Variants in GCSAML observed in about 807,000 individuals in gnomAD.
The protein encoded by GCSAML is germinal center-associated signaling and motility-like protein.
Under a neutral mutation model 13.0 loss-of-function variants are expected in GCSAML, and 9 were observed. The observed-to-expected ratio is 0.69, with a 90% confidence interval of 0.42 to 1.21. The LOEUF is 1.21. GCSAML is among the 50% of genes most tolerant of loss of function. The pLI is 0.00. For synonymous variants in GCSAML, 37 were observed against 52.9 expected, an observed-to-expected ratio of 0.70 and a Z score of 1.31; for missense variants, 143 against 153.4, an observed-to-expected ratio of 0.93 and a Z score of 0.36.
upstream of GCSAML, among the ~76,000 whole-genome samples, chr1:247,544,915 C>T (rs1667518423): frequency 6.6e-6 from 1 of 152,088 alleles, no homozygotes; most frequent in South Asian, 2.1e-4. Flanking sequence ...ATAATAACAA[C>T]AAATAACCAA....
At chr1:247,509,590 G>C (rs1665951081) in intron 1 of GCSAML, among the ~76,000 whole-genome samples, 2 of 152,166 alleles carry the variant, frequency 1.3e-5, no homozygotes, top group Admixed American at 6.5e-5. Context: ...GGTTTTCAAA[G>C]AAAATGCTTC....
In GCSAML at chr1:247,539,046, C is replaced by A. The variant is rs536763123; in HGVS notation, c.-147-9999C>A. On this transcript the variant is annotated intron_variant, in intron 2 of 5. Coordinates refer to the GCSAML transcript ENST00000366489. The stretch of plus-strand genomic sequence containing the variant: ...GGTTCCAAACCCATGGCACCGTATG[C>A]CAATCACTGAAATGATGAGTTTTGT... Among the ~76,000 whole-genome samples the A allele has an allele frequency of 7.9e-5, 12 of 152,198 alleles. No homozygotes were observed. The South Asian group carries it at 1.5e-3, about 18-fold the overall frequency.
intron 1 of GCSAML, among the ~76,000 whole-genome samples, chr1:247,523,475 T>A (rs1400583246): frequency 6.6e-6 from 1 of 152,194 alleles, no homozygotes; most frequent in Non-Finnish European, 1.5e-5. Context: ...GACCAAGGAT[T>A]CATAGTCAAG....
At chr1:247,571,773 G>A (rs1668623462) in intron 4 of GCSAML, among the ~76,000 whole-genome samples, 1 of 152,130 alleles carries the variant, frequency 6.6e-6, no homozygotes, top group East Asian at 1.9e-4. Flanking sequence ...AAATTCTCCT[G>A]GATAATATCC....
rs1230073023 is a variant in GCSAML, at chr1:247,532,651, A to G, written c.-148+5597A>G. ...TTTTATGTTATTCTTTTTTAGAGACACAATTTCACTGTGTTGCCCGGGCTA... is the reference window on the plus strand; with the variant it reads ...TTTTATGTTATTCTTTTTTAGAGACGCAATTTCACTGTGTTGCCCGGGCTA... On this transcript the variant is annotated intron_variant, in intron 2 of 5. Coordinates refer to the GCSAML transcript ENST00000366489. The G allele has an allele frequency of 3.5e-6, 3 of 863,156 alleles. No individual in the cohort carries two copies. In the African/African-American group the frequency reaches 5.1e-5, roughly 15 times the overall value. 53.5% of individuals were successfully genotyped at this position (863,156 alleles called of 1,614,324 possible). A position where few individuals can be genotyped will look rare whatever the true frequency, so the allele number is the denominator to read the frequency against.
At chr1:247,539,230 A>G (rs1667325860) in intron 2 of GCSAML, among the ~76,000 whole-genome samples, 1 of 152,200 alleles carries the variant, frequency 6.6e-6, no homozygotes, top group Admixed American at 6.5e-5. Flanking sequence ...GGAAAAAATG[A>G]GGTAATCAGT....
chr1:247,544,380 A>G (rs958120502), upstream of GCSAML, among the ~76,000 whole-genome samples: 6 of 152,196 alleles, frequency 3.9e-5, no homozygotes, highest in African/African-American at 1.4e-4. Flanking sequence ...TGTTCATATA[A>G]CAGCTTCTGC....
intron 2 of GCSAML, among the ~76,000 whole-genome samples, chr1:247,541,872 T>C (rs1295591425): frequency 1.3e-5 from 2 of 151,800 alleles, no homozygotes; most frequent in African/African-American, 2.4e-5. Flanking sequence ...TAGCCAGGCA[T>C]GGTGGTGCGT....
At position 247,512,668 on chromosome 1, in the gene GCSAML, T is replaced by C. The variant is rs542654080; in HGVS notation, c.-263+5435T>C. 3.3e-5 allele frequency among the ~76,000 whole-genome samples: 5 copies of C among 152,316 alleles called. No homozygotes were observed. In the East Asian group the frequency reaches 5.8e-4, roughly 18 times the overall value. ...GGATTTACCTACCTTTGGTCTTTGATGTTGGTGACCTTCAGATGGGGTTTC... is the reference window on the plus strand; with the variant it reads ...GGATTTACCTACCTTTGGTCTTTGACGTTGGTGACCTTCAGATGGGGTTTC... On this transcript the variant is annotated intron_variant, in intron 1 of 5. Coordinates refer to the GCSAML transcript ENST00000366489.
chr1:247,516,841 C>T (rs1426156095), intron 1 of GCSAML, among the ~76,000 whole-genome samples: 1 of 151,796 alleles, frequency 6.6e-6, no homozygotes, highest in Non-Finnish European at 1.5e-5. Context: ...TGTTGACATA[C>T]AGAAAATACT....
intron 2 of GCSAML, chr1:247,531,681 C>T: frequency 1.2e-6 from 2 of 1,614,156 alleles, no homozygotes; most frequent in Non-Finnish European, 1.7e-6. Flanking sequence ...CGGTGTAGAA[C>T]AGAGCTATGA....
chr1:247,567,770 T>A (rs1173778788), intron 4 of GCSAML, among the ~76,000 whole-genome samples: 1 of 152,202 alleles, frequency 6.6e-6, no homozygotes, highest in Non-Finnish European at 1.5e-5. Flanking sequence ...TCCTCAATGG[T>A]TGAACTAGTT....
At chr1:247,558,892 TTTTA>T (rs201658947) in intron 2 of GCSAML, among the ~76,000 whole-genome samples, 1,613 of 150,830 alleles carry the variant, frequency 0.011, 33 homozygotes, top group African/African-American at 0.037. Context: ...ATAATTTAAA[TTTTA>T]TTTGTTACCA....
At chr1:247,519,429 C>T (rs1175327311) in intron 1 of GCSAML, 1 of 152,212 alleles carries the variant, frequency 6.6e-6, no homozygotes, top group Non-Finnish European at 1.5e-5. Flanking sequence ...CTGGGGTACA[C>T]TTGTTCCCAC....
At chr1:247,540,965 G>C (rs1667393369) in intron 2 of GCSAML, among the ~76,000 whole-genome samples, 1 of 152,142 alleles carries the variant, frequency 6.6e-6, no homozygotes, top group African/African-American at 2.4e-5. Context: ...TTTCTGTTTA[G>C]AAGGCATTGA....
At chr1:247,563,380 A>G (rs1668211240) in intron 2 of GCSAML, among the ~76,000 whole-genome samples, 1 of 152,180 alleles carries the variant, frequency 6.6e-6, no homozygotes, top group Non-Finnish European at 1.5e-5. Context: ...GCTTCATGCT[A>G]TATGGAGCTT....
chr1:247,524,033 G>A (rs1303043472), intron 1 of GCSAML, among the ~76,000 whole-genome samples: 2 of 100,266 alleles, frequency 2.0e-5, no homozygotes, highest in Admixed American at 2.2e-4. Context: ...CACACACTCT[G>A]CAGATGCAGT....
intron 1 of GCSAML, among the ~76,000 whole-genome samples, chr1:247,523,634 CCA>C (rs986007800): frequency 1.5e-4 from 23 of 152,158 alleles, no homozygotes; most frequent in African/African-American, 5.3e-4. Flanking sequence ...TCAATACTAA[CCA>C]CAGTCAATAA....
chr1:247,549,039 G>T, upstream of GCSAML: 2 of 1,575,164 alleles, frequency 1.3e-6, no homozygotes, highest in Non-Finnish European at 1.7e-6. Flanking sequence ...TCTCTATCAT[G>T]CGCAGGCCCC....
Sources: allele counts gnomAD v4.1 joint callset (sites outside exome capture counted in the v4.1 genomes callset), GRCh38; gene constraint gnomAD v4.1.1; transcripts MANE v1.5; gene names NCBI Gene and HGNC (gene_info 2026-07-23, HGNC 2026-07-21).